Variants in MRPS23 observed in about 807,000 individuals in gnomAD.
The protein encoded by MRPS23 is mitochondrial ribosomal protein S23.
MRPS23 carries 14 observed loss-of-function variants against 19.8 expected under a neutral mutation model. That is an observed-to-expected ratio of 0.71 (90% CI 0.47 to 1.11). The LOEUF (loss-of-function observed/expected upper bound fraction) is 1.11. Among genes scored for constraint, MRPS23 ranks in the 50% least tolerant of loss-of-function variants. MRPS23 has a pLI of 0.00. For synonymous variants in MRPS23, 113 were observed against 89.7 expected (o/e 1.26, Z -1.47); for missense variants, 242 against 236.7 (o/e 1.02, Z -0.15).
chr17:57,849,948 C>T lies in MRPS23; in HGVS notation c.44+19G>A. 2 of 1,582,614 alleles carry T rather than the reference C, an allele frequency of 1.3e-6. No individual in the cohort carries two copies. Among genetic ancestry groups the T allele is most frequent in the Non-Finnish European group, 1.7e-6 (2 of 1,171,896 alleles). ...CCTGGGGGAGGCACCCTCAGCCCAC[C>T]ACGGCTGGGAGCACACACCGAGAGA... On this transcript the variant is annotated intron_variant, in intron 1 of 4. Coordinates refer to ENST00000313608, the MANE Select transcript of MRPS23 (RefSeq NM_016070.4).
intron 1 of MRPS23, 143 bp from the exon 2 acceptor site, chr17:57,849,553 A>G: frequency 3.0e-6 from 3 of 1,003,018 alleles, no homozygotes; most frequent in South Asian, 1.7e-5. Flanking sequence ...ACCTACAGAG[A>G]AGATCTGTCC....
intron 2 of MRPS23, among the ~76,000 whole-genome samples, chr17:57,846,222 CTG>C (rs2073773150): frequency 7.2e-6 from 1 of 139,534 alleles, no homozygotes; most frequent in East Asian, 2.0e-4. Flanking sequence ...CAGCCCCCGC[CTG>C]GCCAGCCGCC....
Position 57,839,745 on chromosome 17 carries a change from TAG to T in MRPS23, c.*36_*37del. On this transcript the variant is annotated 3_prime_UTR_variant, in exon 5 of 5. Transcript: ENST00000313608. ...AATAGCTCAACATTCAGCCAGTGAG[TAG>T]AGTGTGAATGCCAGCATACACAGTA... The T allele has an allele frequency of 6.4e-7, 1 of 1,555,946 alleles. No homozygotes were observed. Among genetic ancestry groups the T allele is most frequent in the Non-Finnish European group, 8.8e-7 (1 of 1,133,000 alleles).
intron 2 of MRPS23, among the ~76,000 whole-genome samples, chr17:57,847,779 C>T (rs2073786346): frequency 6.6e-6 from 1 of 151,452 alleles, no homozygotes; most frequent in Non-Finnish European, 1.5e-5. Flanking sequence ...TCACTGCAAC[C>T]TCCACCTTCT....
chr17:57,845,835 C>T (rs1424961916), intron 2 of MRPS23, among the ~76,000 whole-genome samples: 1 of 152,136 alleles, frequency 6.6e-6, no homozygotes, highest in Non-Finnish European at 1.5e-5. Flanking sequence ...ATTCAAGAGA[C>T]GATTAATAAG....
At position 57,839,667 on chromosome 17, in the gene MRPS23, C is replaced by CA. The variant is rs1181143918; in HGVS notation, c.*115dup. On this transcript the variant is annotated 3_prime_UTR_variant, in exon 5 of 5. Transcript: ENST00000313608. ...CAACCCAGAAATAACTAAGAGAAGG[C>CA]AAACATAATACCTTAGAGATCAAGA... The CA allele has an allele frequency of 7.8e-7, 1 of 1,290,034 alleles. No homozygotes were observed. The highest frequency in any genetic ancestry group is 1.0e-6 in the Non-Finnish European group (1 of 959,392). The allele number at this position is 1,290,034 out of a possible 1,614,324, so 79.9% of individuals were successfully genotyped here. A position where few individuals can be genotyped will look rare whatever the true frequency, so the allele number is the denominator to read the frequency against.
chr17:57,848,010 T>G lies in MRPS23; in HGVS notation c.215+1230A>C, dbSNP rs541467145. Among the ~76,000 whole-genome samples, 791 of 147,114 alleles carry G rather than the reference T, an allele frequency of 5.4e-3. 3 individuals are homozygous for G. Among genetic ancestry groups the G allele is most frequent in the Non-Finnish European group, 9.0e-3 (596 of 66,324 alleles). On this transcript the variant is annotated intron_variant, in intron 2 of 4. Coordinates refer to ENST00000313608, the MANE Select transcript of MRPS23 (RefSeq NM_016070.4). Reference sequence around the variant, plus strand: ...CCGTGCCTGGCCCAGAAAAAAAAAATTCTTAAATAATCATTATCAATACTG... The same window carrying G: ...CCGTGCCTGGCCCAGAAAAAAAAAAGTCTTAAATAATCATTATCAATACTG...
At position 57,838,288 on chromosome 17, in the gene MRPS23, GCAAAAAAAAA is replaced by G. The variant is rs2073718697; in HGVS notation, c.*1485_*1494del. On this transcript the variant is annotated 3_prime_UTR_variant, in exon 5 of 5. Coordinates refer to ENST00000313608, the MANE Select transcript of MRPS23 (RefSeq NM_016070.4). The stretch of plus-strand genomic sequence containing the variant: ...CTGGGAAACAAAGTGATACTCCATC[GCAAAAAAAAA>G]AAAAAAAAAAAAAAAAAAATTAAAA... 6.9e-4 allele frequency: 1 copy of G among 1,454 alleles called. No homozygotes were observed. The highest frequency in any genetic ancestry group is 1.4e-3 in the African/African-American group (1 of 726). The allele number at this position is 1,454 out of a possible 1,614,324, so 0.1% of individuals were successfully genotyped here.
chr17:57,842,773 A>G (rs571653449), intron 2 of MRPS23, among the ~76,000 whole-genome samples: 16 of 150,266 alleles, frequency 1.1e-4, no homozygotes, highest in Non-Finnish European at 1.9e-4. Context: ...ATATAATCCC[A>G]CCTGCTTGGG....
chr17:57,844,242 T>C (rs374476748), intron 2 of MRPS23, among the ~76,000 whole-genome samples: 1 of 151,308 alleles, frequency 6.6e-6, no homozygotes, highest in Non-Finnish European at 1.5e-5. Context: ...TAGACTCCAA[T>C]GGTCCTCCTT....
intron 2 of MRPS23, among the ~76,000 whole-genome samples, chr17:57,846,293 G>C (rs1200298704): frequency 7.4e-5 from 1 of 13,508 alleles, no homozygotes; most frequent in African/African-American, 1.8e-4. Flanking sequence ...GTCCGGGAGG[G>C]AGGTGGGGGG....
At chr17:57,843,418 C>T (rs560482983) in intron 2 of MRPS23, among the ~76,000 whole-genome samples, 2 of 152,256 alleles carry the variant, frequency 1.3e-5, no homozygotes, top group Non-Finnish European at 2.9e-5. Context: ...AGTTTAAAAG[C>T]AAACTGAATT....
intron 2 of MRPS23, among the ~76,000 whole-genome samples, chr17:57,845,548 C>G (rs184674360): frequency 2.5e-4 from 38 of 152,240 alleles, no homozygotes; most frequent in Admixed American, 2.4e-3. Flanking sequence ...TAATTAACAT[C>G]AGTATTCAAG....
intron 2 of MRPS23, 142 bp downstream of exon 2, chr17:57,849,098 T>C: frequency 1.0e-6 from 1 of 997,238 alleles, no homozygotes; most frequent in Non-Finnish European, 1.4e-6. Context: ...GAAGGGGTGC[T>C]GCCTCCCTAA....
chr17:57,846,220 G>A (rs578100839), intron 2 of MRPS23, among the ~76,000 whole-genome samples: 2 of 142,906 alleles, frequency 1.4e-5, no homozygotes, highest in Admixed American at 6.7e-5. Context: ...GGCAGCCCCC[G>A]CCTGGCCAGC....
chr17:57,838,264 T>A lies in MRPS23; in HGVS notation c.*1519A>T, dbSNP rs2073718320. ...AAGATGGCTCCACTGTACTCCAGCCTGGGAAACAAAGTGATACTCCATCGC... is the reference window on the plus strand; with the variant it reads ...AAGATGGCTCCACTGTACTCCAGCCAGGGAAACAAAGTGATACTCCATCGC... On this transcript the variant is annotated 3_prime_UTR_variant, in exon 5 of 5. Transcript: ENST00000313608. The A allele has an allele frequency of 2.1e-5, 2 of 93,234 alleles. No individual in the cohort carries two copies. Among genetic ancestry groups the A allele is most frequent in the Non-Finnish European group, 3.8e-5 (2 of 52,210 alleles). The allele number at this position is 93,234 out of a possible 1,614,324, so 5.8% of individuals were successfully genotyped here.
At chr17:57,846,179 G>A (rs2073772438) in intron 2 of MRPS23, among the ~76,000 whole-genome samples, 1 of 146,788 alleles carries the variant, frequency 6.8e-6, no homozygotes, top group African/African-American at 2.5e-5. Context: ...TCCCTGCTCC[G>A]CCAGCCGCCC....
In MRPS23 at chr17:57,841,245, C is replaced by T; in HGVS notation, c.231G>A (p.Val77=). The change falls in exon 3 of 5, where the codon GTG becomes GTA. Residue 77 remains valine, a synonymous_variant. Transcript: ENST00000313608. ...CAAAAGCTCTTTGACCAGACCCATA[C>T]ACTGAATAAAACTTCCTAGAAAATG... ...EDRIRAKFYS[V]YGSGQRAFDL... is the part of the protein sequence containing the mutation. The T allele has an allele frequency of 6.2e-7, 1 of 1,613,862 alleles. No individual in the cohort carries two copies. The highest frequency in any genetic ancestry group is 8.5e-7 in the Non-Finnish European group (1 of 1,179,986).
chr17:57,849,241 C>A lies in MRPS23; in HGVS notation c.214G>T (p.Ala72Ser). ...TCCACTACAGGGCTGAGCACTCACG[C>A]TCTAATCCGATCCTCGTGGTACCAG... The part of the protein sequence containing the change: ...DIWYHEDRIR[A>S]KFYSVYGSGQ... Residue 72 changes from alanine to serine, a missense_variant and splice_region_variant, in exon 2 of 5, where the codon GCG (alanine) becomes TCG (serine). Physicochemically the swap from Ala to Ser is moderately conservative, Grantham distance 99. Transcript: ENST00000313608. 6.2e-7 allele frequency: 1 copy of A among 1,614,172 alleles called. No individual in the cohort carries two copies. Among genetic ancestry groups the A allele is most frequent in the African/African-American group, 1.3e-5 (1 of 75,072 alleles).
Sources: gnomAD v4.1 joint callset for allele counts (sites outside exome capture counted in the v4.1 genomes callset) on GRCh38, gnomAD v4.1.1 for gene constraint, MANE v1.5 for transcripts, NCBI Gene and HGNC (gene_info 2026-07-23, HGNC 2026-07-21) for gene names.